The following GBE1 variants were observed in gnomAD, a reference collection of about 807,000 sequenced individuals.
The protein encoded by GBE1 is 1,4-alpha-glucan branching enzyme 1.
A neutral mutation model predicts 88.8 loss-of-function variants in GBE1; 70 were observed. The observed-to-expected ratio is 0.79, with a 90% confidence interval of 0.65 to 0.96. GBE1 has a LOEUF of 0.96. Among genes scored for constraint, GBE1 ranks in the 40% least tolerant of loss-of-function variants. The pLI, the probability that GBE1 is intolerant of heterozygous loss-of-function variation, is 0.00. For missense variants in GBE1, 872 were observed against 871.0 expected, an observed-to-expected ratio of 1.00 and a Z score of -0.01; for synonymous variants, 284 against 300.1, an observed-to-expected ratio of 0.95 and a Z score of 0.56.
At chr3:81,587,726 T>C (rs1703820015) in intron 9 of GBE1, among the ~76,000 whole-genome samples, 1 of 152,154 alleles carries the variant, frequency 6.6e-6, no homozygotes. Flanking sequence ...AGCAGGTTAT[T>C]CAGTATCTGT....
intron 3 of GBE1, among the ~76,000 whole-genome samples, chr3:81,657,357 T>C (rs1364813217): frequency 2.0e-5 from 3 of 150,850 alleles, no homozygotes; most frequent in Non-Finnish European, 3.0e-5. Context: ...GATGAAACTA[T>C]TTAAGTAAAC....
chr3:81,525,475 T>C (rs1315694480), intron 14 of GBE1, among the ~76,000 whole-genome samples: 1 of 152,072 alleles, frequency 6.6e-6, no homozygotes, highest in Non-Finnish European at 1.5e-5. Flanking sequence ...TCATCAGGGA[T>C]ATTGGTCTAA....
chr3:81,585,759 A>G (rs890945736), intron 10 of GBE1, among the ~76,000 whole-genome samples: 1 of 152,230 alleles, frequency 6.6e-6, no homozygotes, highest in African/African-American at 2.4e-5. Context: ...CTGTAGGCAT[A>G]AATGAATGCT....
rs1409043247 is a variant in GBE1, at chr3:81,610,834, A to G, written c.993-16811T>C. 2.0e-5 allele frequency among the ~76,000 whole-genome samples: 3 copies of G among 152,138 alleles called. No individual in the cohort carries two copies. In the East Asian group the frequency reaches 5.8e-4, roughly 29 times the overall value. ...AAGAACTGGATTGTGAGCACTGACA[A>G]GTTCCCAATTTAGCCCGTTAAAAAC... On this transcript the variant is annotated intron_variant, in intron 7 of 15. Coordinates refer to ENST00000429644, the MANE Select transcript of GBE1 (RefSeq NM_000158.4).
chr3:81,509,857 G>C (rs1702701874), intron 14 of GBE1, among the ~76,000 whole-genome samples: 2 of 151,736 alleles, frequency 1.3e-5, no homozygotes, highest in African/African-American at 4.8e-5. Context: ...CATTTTAAAA[G>C]ATTTCATATT....
chr3:81,586,964 A>G (rs902173608), intron 9 of GBE1, among the ~76,000 whole-genome samples: 12 of 151,736 alleles, frequency 7.9e-5, no homozygotes, highest in African/African-American at 2.9e-4. Flanking sequence ...AATATTTTTT[A>G]TATTTTTGAT....
chr3:81,550,116 T>C (rs958596850), intron 12 of GBE1, among the ~76,000 whole-genome samples: 1 of 151,594 alleles, frequency 6.6e-6, no homozygotes, highest in African/African-American at 2.4e-5. Flanking sequence ...GCCCAGTTCA[T>C]GGAAAGCCTT....
intron 3 of GBE1, among the ~76,000 whole-genome samples, chr3:81,666,825 C>T (rs1705119607): frequency 6.6e-6 from 1 of 152,132 alleles, no homozygotes; most frequent in East Asian, 1.9e-4. Flanking sequence ...TTTATTTTAG[C>T]CTTATGATTT....
chr3:81,537,077 G>A lies in GBE1; in HGVS notation c.1637C>T (p.Pro546Leu). 1 of 1,540,636 alleles carries A rather than the reference G, an allele frequency of 6.5e-7. No homozygotes were observed. The change falls in exon 13 of 16, where the codon CCT (proline) becomes CTT (leucine). Residue 546 changes from proline (P) to leucine (L), a missense_variant. Coordinates refer to ENST00000429644, the MANE Select transcript of GBE1 (RefSeq NM_000158.4). ...TTTTCTTGGGAAGTCTAACCATTCA[G>A]GATGCCCAAATTCATTACCTGCATT... ...LNFMGNEFGH[P>L]EWLDFPRKGN...
intron 3 of GBE1, among the ~76,000 whole-genome samples, chr3:81,658,484 T>C (rs1467325679): frequency 6.6e-6 from 1 of 152,122 alleles, no homozygotes; most frequent in Non-Finnish European, 1.5e-5. Flanking sequence ...TGCAGAATAT[T>C]GTGAAAGTAA....
intron 1 of GBE1, among the ~76,000 whole-genome samples, chr3:81,753,838 A>G (rs138097823): frequency 5.3e-5 from 8 of 152,310 alleles, no homozygotes; most frequent in African/African-American, 1.9e-4. Flanking sequence ...TTCTACAGTC[A>G]CTGACATCTG....
At chr3:81,524,309 C>A (rs1702913613) in intron 14 of GBE1, among the ~76,000 whole-genome samples, 1 of 151,778 alleles carries the variant, frequency 6.6e-6, no homozygotes, top group Non-Finnish European at 1.5e-5. Flanking sequence ...GATGTATATT[C>A]AGATCTTCTG....
intron 7 of GBE1, among the ~76,000 whole-genome samples, chr3:81,627,947 G>C (rs1373570064): frequency 6.6e-6 from 1 of 151,914 alleles, no homozygotes; most frequent in African/African-American, 2.4e-5. Context: ...ACAGGAGTGA[G>C]CCACATTGCT....
At chr3:81,595,991 T>C (rs751178309) in intron 7 of GBE1, among the ~76,000 whole-genome samples, 6 of 151,946 alleles carry the variant, frequency 3.9e-5, no homozygotes, top group Non-Finnish European at 7.4e-5. Flanking sequence ...TCTTACACAT[T>C]GTCTGAAAAT....
chr3:81,529,709 T>A lies in GBE1; in HGVS notation c.1934+5486A>T, dbSNP rs922625346. Among the ~76,000 whole-genome samples, 3 of 152,076 alleles carry A rather than the reference T, an allele frequency of 2.0e-5. No individual in the cohort carries two copies. The South Asian group carries it at 6.2e-4, about 31-fold the overall frequency. On this transcript the variant is annotated intron_variant, in intron 14 of 15. Transcript: ENST00000429644. Reference sequence around the variant, plus strand: ...TATTGGAGCTCCTTTGTATGTTATTTGTTTATTTTCTCTTGCTGCTTTTAG... The same window carrying A: ...TATTGGAGCTCCTTTGTATGTTATTAGTTTATTTTCTCTTGCTGCTTTTAG...
At chr3:81,501,759 G>A (rs949584344) in intron 14 of GBE1, among the ~76,000 whole-genome samples, 1 of 126,154 alleles carries the variant, frequency 7.9e-6, no homozygotes, top group Non-Finnish European at 1.6e-5. Context: ...GTAGTGGCAC[G>A]ATCTTGCCTC....
intron 7 of GBE1, among the ~76,000 whole-genome samples, chr3:81,606,178 G>T (rs1392139767): frequency 6.6e-6 from 1 of 152,152 alleles, no homozygotes; most frequent in Non-Finnish European, 1.5e-5. Flanking sequence ...GGAAATAAAA[G>T]TCTATGCTCC....
At chr3:81,612,242 A>AAAAATTAAAG in intron 7 of GBE1, 2 of 532,362 alleles carry the variant, frequency 3.8e-6, no homozygotes, top group Non-Finnish European at 5.8e-6. Context: ...AAAAAAAAAA[A>AAAAATTAAAG]ACTTAAAGAA....
intron 14 of GBE1, among the ~76,000 whole-genome samples, chr3:81,507,583 AAC>A (rs1405989170): frequency 7.3e-6 from 1 of 136,520 alleles, no homozygotes; most frequent in Non-Finnish European, 1.6e-5. Context: ...CAAACAAAAA[AAC>A]AGAGAACTTA....
Sources: allele counts gnomAD v4.1 joint callset (sites outside exome capture counted in the v4.1 genomes callset), GRCh38; gene constraint gnomAD v4.1.1; transcripts MANE v1.5; gene names NCBI Gene and HGNC (gene_info 2026-07-23, HGNC 2026-07-21).